B9D1: variants seen among roughly 807,000 people sequenced by gnomAD.
B9D1 encodes the protein B9 domain-containing protein 1.
A neutral mutation model predicts 26.1 loss-of-function variants in B9D1; 20 were observed. That is an observed-to-expected ratio of 0.77 (90% CI 0.54 to 1.12). The LOEUF (loss-of-function observed/expected upper bound fraction) is 1.12. Among genes scored for constraint, B9D1 ranks in the 50% most tolerant of loss-of-function variants. The probability of loss-of-function intolerance (pLI) is 0.00; values close to 1 mark genes in which losing one functional copy is unlikely to be tolerated. For synonymous variants in B9D1, 105 were observed against 103.1 expected, an observed-to-expected ratio of 1.02 and a Z score of -0.11; for missense variants, 260 against 273.7, an observed-to-expected ratio of 0.95 and a Z score of 0.35.
Position 19,359,904 on chromosome 17 carries a change from C to T in B9D1, c.132+416G>A, listed in dbSNP as rs1225621689. 1.3e-5 allele frequency among the ~76,000 whole-genome samples: 2 copies of T among 152,238 alleles called. No homozygotes were observed. The highest frequency in any genetic ancestry group is 2.9e-5 in the Non-Finnish European group (2 of 68,048). On this transcript the variant is annotated intron_variant, in intron 2 of 6. Transcript: ENST00000261499. The surrounding 1 kb of genome is among the most constrained non-coding windows in gnomAD (Gnocchi z 5.0). ...ACCACAGTCCCTCACCTGGTGGAGGCAAGCTACCCCTTGGGAAGTCCTGGA... is the reference window on the plus strand; with the variant it reads ...ACCACAGTCCCTCACCTGGTGGAGGTAAGCTACCCCTTGGGAAGTCCTGGA...
downstream of B9D1, chr17:19,343,034 G>T: frequency 7.7e-7 from 1 of 1,298,302 alleles, no homozygotes; most frequent in East Asian, 3.1e-5. Context: ...CCTGCTGCAC[G>T]GTCTGGTCTC....
intron 3 of B9D1, among the ~76,000 whole-genome samples, chr17:19,350,548 T>TAAAAAC (rs1010473224): frequency 2.6e-5 from 4 of 151,302 alleles, no homozygotes; most frequent in South Asian, 4.2e-4. Context: ...ATCTCAAAAA[T>TAAAAAC]AAAAACAAAA....
At position 19,347,202 on chromosome 17, in the gene B9D1, G is replaced by T; in HGVS notation, c.404+67C>A. 6.2e-7 allele frequency: 1 copy of T among 1,614,146 alleles called. No individual in the cohort carries two copies. The highest frequency in any genetic ancestry group is 2.2e-5 in the East Asian group (1 of 44,888). ...AGGAGGCGACCAGGCACAAACTGAG[G>T]GGTAGAATGGGACATCCATTCATCC... On this transcript the variant is annotated intron_variant, in intron 5 of 6. Transcript: ENST00000261499. The surrounding 1 kb of genome is among the most constrained non-coding windows in gnomAD (Gnocchi z 4.3).
chr17:19,357,460 G>A (rs1791673350), intron 3 of B9D1: 1 of 338,060 alleles, frequency 3.0e-6, no homozygotes, highest in Non-Finnish European at 5.8e-6. Flanking sequence ...CACAGGAGGA[G>A]AAAGTGCCAG....
At chr17:19,366,409 G>C (rs1186279894), upstream of B9D1, among the ~76,000 whole-genome samples, 4 of 152,094 alleles carry the variant, frequency 2.6e-5, no homozygotes, top group Non-Finnish European at 4.4e-5. Flanking sequence ...GTAAGAGGCA[G>C]AGAGGGCAGC....
chr17:19,347,151 AGTGGGT>A lies in B9D1; in HGVS notation c.404+112_404+117del, dbSNP rs1217151311. On this transcript the variant is annotated intron_variant, in intron 5 of 6. Transcript: ENST00000261499. The surrounding 1 kb of genome is among the most constrained non-coding windows in gnomAD (Gnocchi z 4.3). ...AGGGGACCTGTTTCTATTTGTCCTC[AGTGGGT>A]GGAGCAGCTTGCAGATCTGAGGAGG... 1 of 1,610,412 alleles carries A rather than the reference AGTGGGT, an allele frequency of 6.2e-7. No homozygotes were observed. The highest frequency in any genetic ancestry group is 1.1e-5 in the South Asian group (1 of 90,606).
intron 3 of B9D1, among the ~76,000 whole-genome samples, chr17:19,349,106 C>CCAGCACTCCCCCAGCAG (rs1909248551): frequency 6.6e-6 from 1 of 152,194 alleles, no homozygotes; most frequent in Non-Finnish European, 1.5e-5. Flanking sequence ...GTCCTATCAG[C>CCAGCACTCCCCCAGCAG]CAGCACTCCC....
rs559447172 is a variant in B9D1, at chr17:19,368,999, G to A, written c.-297-8611C>T. Among the ~76,000 whole-genome samples the A allele has an allele frequency of 3.7e-4, 57 of 152,260 alleles. 1 individual carries two copies. Among genetic ancestry groups the A allele is most frequent in the Middle Eastern group, 3.4e-3 (1 of 294 alleles). ...GTTACTGAGTATAAGCACCTCTGAC[G>A]GTTCTAGGATGCTTGTTTCTAAGAG... On this transcript the variant is annotated intron_variant, in intron 1 of 5. Coordinates refer to the B9D1 transcript ENST00000477478.
chr17:19,362,390 G>A, intron 1 of B9D1, 117 bp downstream of exon 1: 1 of 742,532 alleles, frequency 1.3e-6, no homozygotes. Flanking sequence ...CCGCCTAACC[G>A]AGAGGCTCAG....
At chr17:19,360,267 A>C in intron 2 of B9D1, 53 bp downstream of exon 2, 1 of 1,569,846 alleles carries the variant, frequency 6.4e-7, no homozygotes, top group Non-Finnish European at 8.8e-7. Context: ...TGACACCTTC[A>C]GAAACCCCAA....
chr17:19,342,161 T>TA (rs1908040297), downstream of B9D1, among the ~76,000 whole-genome samples: 1 of 152,020 alleles, frequency 6.6e-6, no homozygotes, highest in African/African-American at 2.4e-5. Context: ...AGATTCCACT[T>TA]AAGAGGGCTG....
At chr17:19,354,574 A>C (rs1428810254) in intron 3 of B9D1, among the ~76,000 whole-genome samples, 1 of 152,186 alleles carries the variant, frequency 6.6e-6, no homozygotes, top group Admixed American at 6.5e-5. Context: ...TCATGCCTGT[A>C]ATCTCAGCAC....
intron 1 of B9D1, among the ~76,000 whole-genome samples, chr17:19,376,966 CT>C (rs1912158788): frequency 6.6e-6 from 1 of 152,194 alleles, no homozygotes; most frequent in Admixed American, 6.5e-5. Flanking sequence ...TTGGAAGCCC[CT>C]CCCCTTTGAG....
At chr17:19,341,050 ATGTGG>A (rs1430825797), downstream of B9D1, 217 of 1,019,958 alleles carry the variant, frequency 2.1e-4, 1 homozygote, top group Non-Finnish European at 2.6e-4. Context: ...GGTGGTGGGT[ATGTGG>A]TGTTCACTGT....
upstream of B9D1, among the ~76,000 whole-genome samples, chr17:19,366,200 A>G (rs553890621): frequency 2.6e-5 from 4 of 151,866 alleles, no homozygotes; most frequent in Non-Finnish European, 5.9e-5. Context: ...CTCCTTGAGG[A>G]CAGCCCTCCA....
intron 1 of B9D1, among the ~76,000 whole-genome samples, chr17:19,362,147 GAC>G (rs1458829390): frequency 1.3e-5 from 2 of 152,194 alleles, no homozygotes; most frequent in Non-Finnish European, 2.9e-5. Flanking sequence ...CTCCACACGG[GAC>G]ACAGCGCAAA....
In B9D1 at chr17:19,359,237, T is replaced by A. The variant is rs1910735382; in HGVS notation, c.132+1083A>T. 6.6e-6 allele frequency among the ~76,000 whole-genome samples: 1 copy of A among 152,194 alleles called. No individual in the cohort carries two copies. Among genetic ancestry groups the A allele is most frequent in the African/African-American group, 2.4e-5 (1 of 41,440 alleles). On this transcript the variant is annotated intron_variant, in intron 2 of 6. Coordinates refer to ENST00000261499, the MANE Select transcript of B9D1 (RefSeq NM_015681.6). The surrounding 1 kb of genome is among the most constrained non-coding windows in gnomAD (Gnocchi z 5.0). ...ACTTTCTCTGCTGAAAGTTCTCCAGTGGGATCCCATCTCCCTTTGAGTAAA... is the reference window on the plus strand; with the variant it reads ...ACTTTCTCTGCTGAAAGTTCTCCAGAGGGATCCCATCTCCCTTTGAGTAAA...
chr17:19,361,225 C>A (rs1382094230), intron 1 of B9D1, among the ~76,000 whole-genome samples: 1 of 152,084 alleles, frequency 6.6e-6, no homozygotes, highest in East Asian at 1.9e-4. Context: ...ATAATTATTT[C>A]ATTATTATTT....
intron 5 of B9D1, among the ~76,000 whole-genome samples, chr17:19,345,120 T>C (rs1908584210): frequency 6.6e-6 from 1 of 151,738 alleles, no homozygotes; most frequent in Admixed American, 6.6e-5. Context: ...CTGGCTGGGG[T>C]TGGGGAGACA....
Sources: allele counts gnomAD v4.1 joint callset (sites outside exome capture counted in the v4.1 genomes callset), GRCh38; gene constraint gnomAD v4.1.1; non-coding constraint Gnocchi (gnomAD v3.1); transcripts MANE v1.5; gene names NCBI Gene and HGNC (gene_info 2026-07-23, HGNC 2026-07-21).